MAPRE2: variants seen among roughly 807,000 people sequenced by gnomAD.
MAPRE2 encodes microtubule-associated protein RP/EB family member 2.
MAPRE2 carries 13 observed loss-of-function variants against 43.2 expected under a neutral mutation model. The ratio of observed to expected loss-of-function variants is 0.30; its 90% confidence interval spans 0.20 to 0.48. The LOEUF is 0.48. Ranked by LOEUF, MAPRE2 falls within the 20% of genes least tolerant of loss-of-function variation. The pLI, the probability that MAPRE2 is intolerant of heterozygous loss-of-function variation, is 0.99. For missense variants in MAPRE2, 161 were observed against 400.2 expected (o/e 0.40, Z 5.10); for synonymous variants, 135 against 148.8 (o/e 0.91, Z 0.68).
chr18:35,100,775 TCA>T (rs1221424861), intron 3 of MAPRE2, among the ~76,000 whole-genome samples: 1 of 152,210 alleles, frequency 6.6e-6, no homozygotes, highest in Non-Finnish European at 1.5e-5. Flanking sequence ...GCACAGTGGC[TCA>T]CACCTGTAAT....
At chr18:34,981,203 G>A (rs188206437) in intron 1 of MAPRE2, among the ~76,000 whole-genome samples, 4 of 151,858 alleles carry the variant, frequency 2.6e-5, no homozygotes, top group Admixed American at 6.6e-5. Context: ...GTGAAATCCC[G>A]TCTCCACTAA....
At chr18:35,095,858 G>A (rs3786322) in intron 2 of MAPRE2, among the ~76,000 whole-genome samples, 12,930 of 151,122 alleles carry the variant, frequency 0.086, 757 homozygotes, top group East Asian at 0.22. Context: ...TTTTTCCTTT[G>A]ATTTGTTTTA....
chr18:34,978,825 A>G (rs1384441772), intron 1 of MAPRE2, among the ~76,000 whole-genome samples: 16 of 152,192 alleles, frequency 1.1e-4, no homozygotes, highest in Non-Finnish European at 1.6e-4. Flanking sequence ...ACTGGTTCTC[A>G]AATTTTGCTG....
intron 1 of MAPRE2, among the ~76,000 whole-genome samples, chr18:35,005,229 A>G (rs1260982947): frequency 6.6e-6 from 1 of 152,200 alleles, no homozygotes; most frequent in Admixed American, 6.5e-5. Flanking sequence ...TAGGACTGAC[A>G]TTATACTAAA....
chr18:34,981,893 T>TA (rs1480856263), intron 1 of MAPRE2, among the ~76,000 whole-genome samples: 18 of 148,184 alleles, frequency 1.2e-4, no homozygotes, highest in African/African-American at 4.3e-4. Flanking sequence ...ATTTATTTTT[T>TA]TTTTTTTTTG....
chr18:35,056,254 A>T (rs367772721), intron 1 of MAPRE2, among the ~76,000 whole-genome samples: 1 of 152,154 alleles, frequency 6.6e-6, no homozygotes, highest in East Asian at 1.9e-4. Flanking sequence ...AGCATTATAC[A>T]TATATAAATA....
chr18:35,084,932 G>A (rs1907800231), intron 2 of MAPRE2, among the ~76,000 whole-genome samples: 2 of 152,158 alleles, frequency 1.3e-5, no homozygotes, highest in African/African-American at 4.8e-5. Context: ...AGTGTCCAAA[G>A]TTCCCCTTAA....
At chr18:35,038,267 A>C (rs765258478), upstream of MAPRE2, among the ~76,000 whole-genome samples, 1 of 152,150 alleles carries the variant, frequency 6.6e-6, no homozygotes, top group Non-Finnish European at 1.5e-5. Flanking sequence ...TTATCCCCTT[A>C]CAGGACGGAC....
At chr18:35,048,622 G>A (rs1905767091) in intron 1 of MAPRE2, among the ~76,000 whole-genome samples, 1 of 148,144 alleles carries the variant, frequency 6.8e-6, no homozygotes, top group Non-Finnish European at 1.5e-5. Context: ...AGTATTTATA[G>A]TATTAACACA....
At chr18:35,001,755 C>G (rs2097029482) in intron 1 of MAPRE2, among the ~76,000 whole-genome samples, 1 of 151,902 alleles carries the variant, frequency 6.6e-6, no homozygotes, top group African/African-American at 2.4e-5. Flanking sequence ...GGAGCAAACT[C>G]CTGGTCCATC....
intron 5 of MAPRE2, chr18:35,127,380 C>T: frequency 3.3e-6 from 1 of 304,260 alleles, no homozygotes. Flanking sequence ...TCAAGAGCTC[C>T]AGGCTAGACC....
intron 1 of MAPRE2, among the ~76,000 whole-genome samples, chr18:35,063,796 T>C (rs1317722284): frequency 6.6e-6 from 1 of 151,892 alleles, no homozygotes; most frequent in East Asian, 1.9e-4. Flanking sequence ...CAGGAATTCA[T>C]GATCAGCCTA....
chr18:35,063,999 T>TAAAAAAAAAAAAAAAAAA (rs1568989696), intron 1 of MAPRE2, among the ~76,000 whole-genome samples: 2 of 60,734 alleles, frequency 3.3e-5, no homozygotes, highest in African/African-American at 1.0e-4. Flanking sequence ...CCCTGTCTCT[T>TAAAAAAAAAAAAAAAAAA]TAAAAAAAAA....
chr18:35,037,637 C>A (rs2097051237), upstream of MAPRE2, among the ~76,000 whole-genome samples: 2 of 151,196 alleles, frequency 1.3e-5, no homozygotes, highest in Admixed American at 1.3e-4. Flanking sequence ...AATCCACAGT[C>A]ATACGTACAA....
chr18:35,094,516 A>G (rs562344748), intron 2 of MAPRE2, among the ~76,000 whole-genome samples: 8 of 152,310 alleles, frequency 5.3e-5, no homozygotes, highest in African/African-American at 1.9e-4. Flanking sequence ...AATAGATAGT[A>G]AAAATAGTGC....
intron 1 of MAPRE2, among the ~76,000 whole-genome samples, chr18:34,981,787 G>A (rs2097016322): frequency 6.6e-6 from 1 of 151,972 alleles, no homozygotes; most frequent in South Asian, 2.1e-4. Context: ...GGCTACACAA[G>A]ACTAGTTTGA....
At chr18:35,073,714 C>G (rs1485829234) in intron 2 of MAPRE2, among the ~76,000 whole-genome samples, 2 of 152,138 alleles carry the variant, frequency 1.3e-5, no homozygotes, top group South Asian at 2.1e-4. Context: ...AGTATTAAAA[C>G]TAACACCAGC....
chr18:35,051,024 T>C (rs569866050), intron 1 of MAPRE2, among the ~76,000 whole-genome samples: 269 of 152,286 alleles, frequency 1.8e-3, no homozygotes, highest in Non-Finnish European at 3.1e-3. Flanking sequence ...GAGCTGAATG[T>C]CTGCTAGAAA....
chr18:35,070,111 G>A (rs959622149), intron 1 of MAPRE2, 84 bp from the exon 2 acceptor site: 3 of 1,267,314 alleles, frequency 2.4e-6, no homozygotes, highest in Non-Finnish European at 3.3e-6. Flanking sequence ...CTGGAGTCCT[G>A]CCAGGATCTT....
Sources: allele counts gnomAD v4.1 joint callset (sites outside exome capture counted in the v4.1 genomes callset), GRCh38; gene constraint gnomAD v4.1.1; transcripts MANE v1.5; gene names NCBI Gene and HGNC (gene_info 2026-07-23, HGNC 2026-07-21).